HPSE2: variants seen among roughly 807,000 people sequenced by gnomAD.
The protein encoded by HPSE2 is heparanase 2 (inactive).
Under a neutral mutation model 60.5 loss-of-function variants are expected in HPSE2, and 38 were observed. The ratio of observed to expected loss-of-function variants is 0.63; its 90% CI spans 0.48 to 0.82. HPSE2 has a LOEUF of 0.82. Among genes scored for constraint, HPSE2 ranks in the 40% least tolerant of loss-of-function variants. HPSE2 has a pLI of 0.00. For missense variants in HPSE2, 713 were observed against 740.4 expected, an observed-to-expected ratio of 0.96 and a Z score of 0.43; for synonymous variants, 295 against 293.2, an observed-to-expected ratio of 1.01 and a Z score of -0.06.
intron 6 of HPSE2, among the ~76,000 whole-genome samples, chr10:98,656,065 A>G (rs993677582): frequency 4.0e-4 from 61 of 151,846 alleles, no homozygotes; most frequent in African/African-American, 1.4e-3. Flanking sequence ...AAGGTTTCAC[A>G]TTAGTTTCCT....
At chr10:98,741,600 T>A (rs7086318) in intron 4 of HPSE2, among the ~76,000 whole-genome samples, 1 of 151,994 alleles carries the variant, frequency 6.6e-6, no homozygotes, top group Admixed American at 6.6e-5. Context: ...AGCTCCCACA[T>A]TCAGAGATGC....
Position 99,223,942 on chromosome 10 carries a change from A to G in HPSE2, c.448+8406T>C, listed in dbSNP as rs182319698. 1.6e-3 allele frequency among the ~76,000 whole-genome samples: 243 copies of G among 152,262 alleles called. 1 individual carries two copies. The highest frequency in any genetic ancestry group is 5.3e-3 in the African/African-American group (219 of 41,568). On this transcript the variant is annotated intron_variant, in intron 2 of 11. Coordinates refer to ENST00000370552, the MANE Select transcript of HPSE2 (RefSeq NM_021828.5). ...GGGGAGAGGGAGATGTGTGTTCAAC[A>G]TGGAAAGTATAATATATGTAAGTGG...
chr10:98,644,978 G>C (rs560605226), intron 6 of HPSE2, among the ~76,000 whole-genome samples: 1 of 152,112 alleles, frequency 6.6e-6, no homozygotes, highest in Non-Finnish European at 1.5e-5. Flanking sequence ...TATCTCAATA[G>C]TGCTGGCAAG....
At chr10:98,797,999 A>G (rs947514089) in intron 3 of HPSE2, among the ~76,000 whole-genome samples, 2 of 152,198 alleles carry the variant, frequency 1.3e-5, no homozygotes, top group African/African-American at 4.8e-5. Context: ...GGTTTATCTC[A>G]AAGAAGACTA....
At chr10:98,472,582 A>G (rs1940823520) in intron 11 of HPSE2, among the ~76,000 whole-genome samples, 2 of 152,174 alleles carry the variant, frequency 1.3e-5, no homozygotes, top group Non-Finnish European at 2.9e-5. Flanking sequence ...CTTTCCTCAC[A>G]TGGTCTTAGC....
chr10:98,464,606 T>G (rs1276096538), intron 11 of HPSE2, among the ~76,000 whole-genome samples: 1 of 152,224 alleles, frequency 6.6e-6, no homozygotes, highest in Non-Finnish European at 1.5e-5. Context: ...GTGAGTTACT[T>G]GTTTGATCCC....
intron 11 of HPSE2, among the ~76,000 whole-genome samples, chr10:98,468,092 CAGCTGCCCTG>C (rs1411925803): frequency 6.6e-6 from 1 of 152,256 alleles, no homozygotes; most frequent in African/African-American, 2.4e-5. Flanking sequence ...CTGGTATGTG[CAGCTGCCCTG>C]CCCTTCTCCA....
At chr10:98,975,665 AGAG>A (rs1396659912) in intron 3 of HPSE2, among the ~76,000 whole-genome samples, 4 of 152,272 alleles carry the variant, frequency 2.6e-5, no homozygotes, top group African/African-American at 9.6e-5. Context: ...CTTTCATATC[AGAG>A]GTGTTTGAAA....
intron 3 of HPSE2, among the ~76,000 whole-genome samples, chr10:98,966,661 G>A (rs916419817): frequency 2.5e-4 from 38 of 152,108 alleles, no homozygotes; most frequent in Admixed American, 2.3e-3. Context: ...CAACTCAGCT[G>A]ACATTAAAAT....
intron 9 of HPSE2, among the ~76,000 whole-genome samples, chr10:98,532,610 T>C (rs1943164980): frequency 6.6e-6 from 1 of 152,196 alleles, no homozygotes; most frequent in African/African-American, 2.4e-5. Context: ...AAGACCAGAT[T>C]GGAAGTTGAA....
At chr10:98,626,056 A>G (rs1307066784) in intron 7 of HPSE2, among the ~76,000 whole-genome samples, 1 of 151,174 alleles carries the variant, frequency 6.6e-6, no homozygotes, top group Admixed American at 6.6e-5. Flanking sequence ...CAGTGAGCCG[A>G]GATCGCACCA....
At chr10:98,798,228 A>G (rs1950825603) in intron 3 of HPSE2, among the ~76,000 whole-genome samples, 1 of 152,214 alleles carries the variant, frequency 6.6e-6, no homozygotes. Flanking sequence ...TATATCTGGT[A>G]AAATATCCTT....
At chr10:98,623,298 T>C (rs1361611800) in intron 7 of HPSE2, among the ~76,000 whole-genome samples, 1 of 152,102 alleles carries the variant, frequency 6.6e-6, no homozygotes, top group African/African-American at 2.4e-5. Context: ...AGTAGACTAA[T>C]GGTTTCCTAG....
intron 6 of HPSE2, among the ~76,000 whole-genome samples, chr10:98,678,825 A>G (rs1947712188): frequency 6.6e-6 from 1 of 152,028 alleles, no homozygotes; most frequent in African/African-American, 2.4e-5. Flanking sequence ...TCCTAGAGAG[A>G]GAAAAAAATG....
chr10:99,042,180 A>G (rs1014335852), intron 3 of HPSE2, among the ~76,000 whole-genome samples: 3 of 151,882 alleles, frequency 2.0e-5, no homozygotes, highest in Non-Finnish European at 2.9e-5. Context: ...TAGGGAGGAA[A>G]CCAAGAGCCT....
Position 99,194,047 on chromosome 10 carries a change from G to A in HPSE2, c.448+38301C>T, listed in dbSNP as rs183871028. ...TAAGGCCACAAAACAACTCTTAAAA[G>A]TTCAAAAAATTAAAATCATATCAAG... On this transcript the variant is annotated intron_variant, in intron 2 of 11. Coordinates refer to ENST00000370552, the MANE Select transcript of HPSE2 (RefSeq NM_021828.5). 1.3e-3 allele frequency among the ~76,000 whole-genome samples: 200 copies of A among 152,014 alleles called. 1 individual carries two copies. The highest frequency in any genetic ancestry group is 4.5e-3 in the African/African-American group (188 of 41,488).
chr10:99,219,158 A>C (rs2133925835), intron 2 of HPSE2, among the ~76,000 whole-genome samples: 1 of 152,328 alleles, frequency 6.6e-6, no homozygotes, highest in Admixed American at 6.5e-5. Flanking sequence ...TGTGATAGCT[A>C]ATGAATGTCT....
chr10:98,716,623 T>C (rs1948797932), intron 5 of HPSE2, among the ~76,000 whole-genome samples: 1 of 152,008 alleles, frequency 6.6e-6, no homozygotes, highest in Non-Finnish European at 1.5e-5. Context: ...CCTTATAAAA[T>C]GTACTTCTCA....
chr10:99,093,880 C>G (rs1490013849), intron 3 of HPSE2, among the ~76,000 whole-genome samples: 5 of 151,332 alleles, frequency 3.3e-5, no homozygotes, highest in African/African-American at 1.2e-4. Flanking sequence ...TCTAGATAAT[C>G]ACTTTTATTT....
Sources: gnomAD v4.1 joint callset for allele counts (sites outside exome capture counted in the v4.1 genomes callset) on GRCh38, gnomAD v4.1.1 for gene constraint, MANE v1.5 for transcripts, NCBI Gene and HGNC (gene_info 2026-07-23, HGNC 2026-07-21) for gene names.